The following USP15 variants were observed in gnomAD, a reference collection of about 807,000 sequenced individuals.
USP15 encodes the protein ubiquitin carboxyl-terminal hydrolase 15.
In USP15, 18 loss-of-function variants were observed where a neutral mutation model predicts 127.1. The ratio of observed to expected loss-of-function variants is 0.14; its 90% CI spans 0.10 to 0.21. The LOEUF (loss-of-function observed/expected upper bound fraction) is 0.21. USP15 is among the 10% of genes least tolerant of loss of function. The probability of loss-of-function intolerance (pLI) is 1.00; values close to 1 mark genes in which losing one functional copy is unlikely to be tolerated. For synonymous variants in USP15, 364 were observed against 393.7 expected (o/e 0.92, Z 0.89); for missense variants, 805 against 1,159.9 (o/e 0.69, Z 4.44).
intron 8 of USP15, 30 bp downstream of exon 8, chr12:62,355,505 T>C (rs1265862202): frequency 5.8e-6 from 9 of 1,558,466 alleles, no homozygotes; most frequent in African/African-American, 5.5e-5. Flanking sequence ...ATGAAACTCA[T>C]GTTTCATGGA....
At chr12:62,360,052 T>C (rs1435408108) in intron 8 of USP15, among the ~76,000 whole-genome samples, 2 of 152,178 alleles carry the variant, frequency 1.3e-5, no homozygotes, top group Non-Finnish European at 2.9e-5. Flanking sequence ...ACCCTTGTCT[T>C]TTTCATTGTC....
intron 1 of USP15, among the ~76,000 whole-genome samples, chr12:62,276,367 A>G (rs1336804793): frequency 6.6e-6 from 1 of 152,128 alleles, no homozygotes; most frequent in Non-Finnish European, 1.5e-5. Flanking sequence ...GATGGTTTGT[A>G]CATTAGTATT....
intron 8 of USP15, among the ~76,000 whole-genome samples, chr12:62,366,245 C>G (rs565188287): frequency 3.3e-4 from 50 of 152,312 alleles, no homozygotes; most frequent in African/African-American, 1.1e-3. Context: ...GTTTGTAGTT[C>G]TCCTTGAAGA....
intron 4 of USP15, among the ~76,000 whole-genome samples, chr12:62,318,543 A>C (rs1447676767): frequency 1.3e-5 from 2 of 152,078 alleles, no homozygotes; most frequent in African/African-American, 4.8e-5. Context: ...TCAAAATATC[A>C]GTGTCTCCAT....
intron 1 of USP15, among the ~76,000 whole-genome samples, chr12:62,291,194 C>T (rs544552581): frequency 3.3e-5 from 5 of 152,190 alleles, no homozygotes; most frequent in South Asian, 2.1e-4. Context: ...TTTTCTTTCT[C>T]GAGAATACCT....
Position 62,328,539 on chromosome 12 carries a change from GA to G in USP15, c.683+2616del, listed in dbSNP as rs956831953. The G allele has an allele frequency of 1.0e-3, 190 of 187,790 alleles. 2 individuals are homozygous for G. Among genetic ancestry groups the G allele is most frequent in the East Asian group, 2.6e-3 (21 of 7,998 alleles). 11.6% of individuals were successfully genotyped at this position (187,790 alleles called of 1,614,324 possible). On this transcript the variant is annotated intron_variant, in intron 6 of 21. Coordinates refer to ENST00000280377, the MANE Select transcript of USP15 (RefSeq NM_001252078.2). ...TTAAAAACGCATAAAACCTTCATGG[GA>G]AAAAAAAAATCTAAGTTTATTAGAA...
intron 6 of USP15, among the ~76,000 whole-genome samples, chr12:62,337,788 A>G (rs984271150): frequency 3.3e-5 from 5 of 152,092 alleles, no homozygotes; most frequent in Non-Finnish European, 5.9e-5. Flanking sequence ...AGCTTCACCC[A>G]TGTCCCTGCA....
At chr12:62,360,665 A>G (rs748267719) in intron 8 of USP15, among the ~76,000 whole-genome samples, 16 of 152,086 alleles carry the variant, frequency 1.1e-4, no homozygotes, top group Non-Finnish European at 1.6e-4. Flanking sequence ...TTATATTTAA[A>G]TGAATATACT....
chr12:62,306,858 G>A (rs541493749), intron 3 of USP15, among the ~76,000 whole-genome samples: 1 of 152,228 alleles, frequency 6.6e-6, no homozygotes, highest in South Asian at 2.1e-4. Flanking sequence ...AAAAATCAAA[G>A]GTCATGCCTC....
intron 8 of USP15, among the ~76,000 whole-genome samples, chr12:62,369,636 A>G (rs1471107538): frequency 6.6e-6 from 1 of 152,156 alleles, no homozygotes; most frequent in Non-Finnish European, 1.5e-5. Flanking sequence ...ATACCACATA[A>G]TGCTGCTTCT....
chr12:62,401,939 G>A (rs2067703570), intron 21 of USP15, among the ~76,000 whole-genome samples: 1 of 145,506 alleles, frequency 6.9e-6, no homozygotes, highest in African/African-American at 2.6e-5. Context: ...TATATATACT[G>A]TTATTTCTCT....
At chr12:62,399,747 G>A (rs1190998605) in intron 20 of USP15, among the ~76,000 whole-genome samples, 3 of 152,112 alleles carry the variant, frequency 2.0e-5, no homozygotes, top group Non-Finnish European at 2.9e-5. Flanking sequence ...CTTCCACATG[G>A]TAGTTACTCA....
chr12:62,365,623 T>C (rs2066452378), intron 8 of USP15, among the ~76,000 whole-genome samples: 1 of 152,240 alleles, frequency 6.6e-6, no homozygotes, highest in South Asian at 2.1e-4. Flanking sequence ...ATGAAGTCTT[T>C]GCTCATGCCT....
chr12:62,345,565 C>T (rs1275502209), intron 6 of USP15, among the ~76,000 whole-genome samples: 1 of 152,200 alleles, frequency 6.6e-6, no homozygotes, highest in East Asian at 1.9e-4. Flanking sequence ...AACCTCTCTG[C>T]CTATTACCCA....
At chr12:62,388,161 TGCTCTG>T (rs2067217005) in intron 11 of USP15, among the ~76,000 whole-genome samples, 1 of 145,788 alleles carries the variant, frequency 6.9e-6, no homozygotes, top group African/African-American at 2.5e-5. Flanking sequence ...GACAGGGTCT[TGCTCTG>T]TCACCCAAGT....
chr12:62,391,020 A>G lies in USP15; in HGVS notation c.1960+41A>G, dbSNP rs373126215. 14 of 1,572,194 alleles carry G rather than the reference A, an allele frequency of 8.9e-6. No homozygotes were observed. The highest frequency in any genetic ancestry group is 4.1e-5 in the African/African-American group (3 of 73,234). On this transcript the variant is annotated intron_variant, in intron 15 of 21. Transcript: ENST00000280377. ...TAAATTGTACAAATGTTTCACTTAG[A>G]TAATTGCCTCAGAGAAAAAGTTAAG...
chr12:62,328,113 TAAGA>T (rs1446468533), intron 6 of USP15, among the ~76,000 whole-genome samples: 2 of 152,152 alleles, frequency 1.3e-5, no homozygotes, highest in African/African-American at 4.8e-5. Context: ...GAGGAGAAGA[TAAGA>T]AAGAAGAAAT....
At chr12:62,276,824 C>T (rs952126017) in intron 1 of USP15, among the ~76,000 whole-genome samples, 4 of 151,812 alleles carry the variant, frequency 2.6e-5, no homozygotes, top group Non-Finnish European at 5.9e-5. Context: ...AAAATAAATA[C>T]AAAAGATCAT....
At chr12:62,301,343 C>A (rs2064314334) in intron 2 of USP15, among the ~76,000 whole-genome samples, 1 of 151,998 alleles carries the variant, frequency 6.6e-6, no homozygotes. Context: ...AGGTATTTAC[C>A]CAGAATAAAT....
Sources: allele counts gnomAD v4.1 joint callset (sites outside exome capture counted in the v4.1 genomes callset), GRCh38; gene constraint gnomAD v4.1.1; transcripts MANE v1.5; gene names NCBI Gene and HGNC (gene_info 2026-07-23, HGNC 2026-07-21).